Variants in BICC1 observed in about 807,000 individuals in gnomAD.
BICC1 encodes BicC family RNA binding protein 1.
In BICC1, 43 loss-of-function variants were observed where a neutral mutation model predicts 111.0. The ratio of observed to expected loss-of-function variants is 0.39; its 90% CI spans 0.30 to 0.50. BICC1 has a LOEUF of 0.50. BICC1 is among the 20% of genes least tolerant of loss of function. The pLI is 0.88. For missense variants in BICC1, 1,091 were observed against 1,203.2 expected (o/e 0.91, Z 1.38); for synonymous variants, 467 against 434.4 (o/e 1.07, Z -0.93).
intron 2 of BICC1, among the ~76,000 whole-genome samples, chr10:58,668,813 T>C (rs914583271): frequency 6.6e-6 from 1 of 151,964 alleles, no homozygotes; most frequent in Admixed American, 6.6e-5. Context: ...AACTCAGGAG[T>C]TGGGACCAGC....
chr10:58,679,772 A>G (rs368631300), intron 2 of BICC1, among the ~76,000 whole-genome samples: 4 of 152,342 alleles, frequency 2.6e-5, no homozygotes, highest in African/African-American at 4.8e-5. Context: ...ATGAACATCA[A>G]TGCAAAAATC....
chr10:58,595,610 T>C lies in BICC1; in HGVS notation c.191-25245T>C, dbSNP rs563675518. ...GGAAACTGAACAACTTGCTCCTAAA[T>C]GACTGCTGGGTAAATAACGAAATTA... On this transcript the variant is annotated intron_variant, in intron 1 of 20. Coordinates refer to ENST00000373886, the MANE Select transcript of BICC1 (RefSeq NM_001080512.3). Among the ~76,000 whole-genome samples the C allele has an allele frequency of 1.4e-4, 21 of 152,292 alleles. No homozygotes were observed. In the South Asian group the frequency reaches 4.1e-3, roughly 30 times the overall value.
intron 3 of BICC1, among the ~76,000 whole-genome samples, chr10:58,724,372 T>G (rs1841033285): frequency 6.6e-6 from 1 of 152,146 alleles, no homozygotes; most frequent in African/African-American, 2.4e-5. Flanking sequence ...ATGAAAGAAC[T>G]CTGTGTCTGT....
chr10:58,583,364 C>T (rs1844333994), intron 1 of BICC1, among the ~76,000 whole-genome samples: 1 of 151,884 alleles, frequency 6.6e-6, no homozygotes. Flanking sequence ...TCCCTCATCC[C>T]CCTCCCACCC....
chr10:58,672,594 T>C (rs746728196), intron 2 of BICC1, among the ~76,000 whole-genome samples: 6 of 152,204 alleles, frequency 3.9e-5, no homozygotes, highest in Non-Finnish European at 8.8e-5. Context: ...TTTGTAATTA[T>C]ATATCGGCAA....
Position 58,786,244 on chromosome 10 carries a change from A to G in BICC1, c.388-679A>G, listed in dbSNP as rs1843007557. ...CTAAATTCCTCAAATATAGTCCAAT[A>G]TGACCACAGCATTTTTATTTATTAT... is the stretch of plus-strand genomic sequence containing the variant. On this transcript the variant is annotated intron_variant, in intron 4 of 20. Transcript: ENST00000373886. Among the ~76,000 whole-genome samples, 2 of 152,184 alleles carry G rather than the reference A, an allele frequency of 1.3e-5. 1 individual carries two copies. Among genetic ancestry groups the G allele is most frequent in the South Asian group, 4.1e-4 (2 of 4,832 alleles).
intron 3 of BICC1, among the ~76,000 whole-genome samples, chr10:58,763,624 G>A (rs1400081901): frequency 6.6e-6 from 1 of 152,128 alleles, no homozygotes; most frequent in Admixed American, 6.5e-5. Flanking sequence ...AAGATCACAT[G>A]CTGGTGATCT....
intron 1 of BICC1, among the ~76,000 whole-genome samples, chr10:58,584,702 G>A (rs74478222): frequency 0.013 from 1,967 of 151,974 alleles, 43 homozygotes; most frequent in African/African-American, 0.046. Context: ...CACTGAAGGG[G>A]TTTCCAAAGA....
chr10:58,620,471 A>T (rs1333739721), intron 1 of BICC1, among the ~76,000 whole-genome samples: 1 of 152,206 alleles, frequency 6.6e-6, no homozygotes, highest in African/African-American at 2.4e-5. Flanking sequence ...GGCCATATAC[A>T]TGAGCCATCT....
intron 1 of BICC1, among the ~76,000 whole-genome samples, chr10:58,591,215 G>C (rs528042610): frequency 1.3e-5 from 2 of 152,294 alleles, no homozygotes; most frequent in African/African-American, 2.4e-5. Flanking sequence ...AGTCCAGCTT[G>C]ATATTCTTCT....
rs1160505344 is a variant in BICC1, at chr10:58,830,570, A to T, written c.*1679A>T. On this transcript the variant is annotated 3_prime_UTR_variant, in exon 21 of 21. Coordinates refer to ENST00000373886, the MANE Select transcript of BICC1 (RefSeq NM_001080512.3). The stretch of plus-strand genomic sequence containing the variant: ...CATGGCTGAGTCTGACCATTACAGT[A>T]AGAACAAGAATTGAAGAGGCATTTT... 1 of 152,192 alleles carries T rather than the reference A, an allele frequency of 6.6e-6. No homozygotes were observed. The highest frequency in any genetic ancestry group is 2.4e-5 in the African/African-American group (1 of 41,468). The allele number at this position is 152,192 out of a possible 1,614,324, so 9.4% of individuals were successfully genotyped here.
At chr10:58,713,529 G>T (rs1840643269) in intron 3 of BICC1, among the ~76,000 whole-genome samples, 2 of 152,278 alleles carry the variant, frequency 1.3e-5, no homozygotes, top group South Asian at 4.1e-4. Context: ...GATATAATTT[G>T]TTGAAGGCCA....
chr10:58,538,602 A>G (rs1271813637), intron 1 of BICC1, among the ~76,000 whole-genome samples: 1 of 151,842 alleles, frequency 6.6e-6, no homozygotes, highest in South Asian at 2.1e-4. Flanking sequence ...AGCAAAAATA[A>G]ATAAATGGGA....
chr10:58,691,473 A>T (rs1839905556), intron 2 of BICC1, among the ~76,000 whole-genome samples: 1 of 152,222 alleles, frequency 6.6e-6, no homozygotes, highest in Non-Finnish European at 1.5e-5. Context: ...ATAGGCCGTC[A>T]TAAATAACCT....
At chr10:58,635,371 C>T (rs1320318760) in intron 2 of BICC1, among the ~76,000 whole-genome samples, 3 of 152,056 alleles carry the variant, frequency 2.0e-5, no homozygotes, top group Non-Finnish European at 4.4e-5. Context: ...GAAATGATTT[C>T]TTTTTCTTGC....
chr10:58,541,738 GA>G (rs1404887126), intron 1 of BICC1, among the ~76,000 whole-genome samples: 1 of 151,890 alleles, frequency 6.6e-6, no homozygotes, highest in Non-Finnish European at 1.5e-5. Context: ...AGAGGACCCA[GA>G]AAAGCCAAAA....
At chr10:58,618,664 C>T (rs1845700005) in intron 1 of BICC1, among the ~76,000 whole-genome samples, 1 of 152,198 alleles carries the variant, frequency 6.6e-6, no homozygotes, top group Non-Finnish European at 1.5e-5. Flanking sequence ...GACACAGTGT[C>T]TGGGTGCAGT....
intron 2 of BICC1, among the ~76,000 whole-genome samples, chr10:58,668,464 A>C (rs1300142568): frequency 6.6e-6 from 1 of 152,032 alleles, no homozygotes; most frequent in Non-Finnish European, 1.5e-5. Flanking sequence ...AACATCTCAA[A>C]ATTTTACTTT....
chr10:58,798,992 A>T, intron 11 of BICC1, 64 bp from the exon 12 acceptor site: 1 of 1,223,622 alleles, frequency 8.2e-7, no homozygotes, highest in Non-Finnish European at 1.1e-6. Context: ...TTTTATTGTT[A>T]ATAAAAATAA....
Sources: gnomAD v4.1 joint callset for allele counts (sites outside exome capture counted in the v4.1 genomes callset) on GRCh38, gnomAD v4.1.1 for gene constraint, MANE v1.5 for transcripts, NCBI Gene and HGNC (gene_info 2026-07-23, HGNC 2026-07-21) for gene names.